The following PAFAH2 variants were observed in gnomAD, a reference collection of about 807,000 sequenced individuals.
PAFAH2 encodes platelet activating factor acetylhydrolase 2.
In PAFAH2, 42 loss-of-function variants were observed where a neutral mutation model predicts 49.0. The ratio of observed to expected loss-of-function variants is 0.86; its 90% CI spans 0.67 to 1.11. The LOEUF (loss-of-function observed/expected upper bound fraction) is 1.11, where lower values mean the gene tolerates loss of function less well. PAFAH2 is among the 50% of genes least tolerant of loss of function. PAFAH2 has a pLI of 0.00. For synonymous variants in PAFAH2, 184 were observed against 181.3 expected, an observed-to-expected ratio of 1.01 and a Z score of -0.12; for missense variants, 503 against 501.8, an observed-to-expected ratio of 1.00 and a Z score of -0.02.
intron 1 of PAFAH2, among the ~76,000 whole-genome samples, chr1:25,996,395 G>A (rs576664378): frequency 1.1e-4 from 16 of 151,880 alleles, no homozygotes; most frequent in South Asian, 2.1e-4. Flanking sequence ...GGCCGGGCGC[G>A]GTGGGAGGCC....
intron 1 of PAFAH2, among the ~76,000 whole-genome samples, chr1:25,994,146 T>C (rs2049909024): frequency 6.6e-6 from 1 of 150,674 alleles, no homozygotes; most frequent in African/African-American, 2.4e-5. Flanking sequence ...GCCTAGCTTT[T>C]TTTTTTTTTT....
At chr1:25,977,388 C>T (rs2049610748) in intron 7 of PAFAH2, among the ~76,000 whole-genome samples, 1 of 151,216 alleles carries the variant, frequency 6.6e-6, no homozygotes, top group African/African-American at 2.4e-5. Context: ...TGGTGGCTCA[C>T]ACCTGTAATC....
chr1:25,988,171 G>T (rs774240535), intron 4 of PAFAH2, 60 bp downstream of exon 4: 13 of 1,070,386 alleles, frequency 1.2e-5, no homozygotes, highest in Non-Finnish European at 1.8e-5. Context: ...AATAAGCTAA[G>T]ACTCAGCAGC....
intron 9 of PAFAH2, 148 bp downstream of exon 9, chr1:25,974,332 T>G: frequency 5.5e-6 from 3 of 542,018 alleles, no homozygotes; most frequent in Admixed American, 3.8e-5. Flanking sequence ...AGACAGAAAA[T>G]TCTAAAAGAA....
At chr1:25,977,014 C>CTTTTTTT (rs201548055) in intron 7 of PAFAH2, among the ~76,000 whole-genome samples, 1 of 88,366 alleles carries the variant, frequency 1.1e-5, no homozygotes, top group African/African-American at 4.2e-5. Flanking sequence ...TTCATGTTTA[C>CTTTTTTT]TTTTTTTTTT....
At chr1:25,972,820 T>G in intron 9 of PAFAH2, 108 bp from the exon 10 acceptor site, 1 of 1,086,200 alleles carries the variant, frequency 9.2e-7, no homozygotes, top group Non-Finnish European at 1.4e-6. Context: ...TCACACTTTA[T>G]TTTCACAGCA....
intron 6 of PAFAH2, 66 bp from the exon 7 acceptor site, chr1:25,982,543 C>A: frequency 8.2e-7 from 1 of 1,226,798 alleles, no homozygotes. Context: ...ATCTCCCTCA[C>A]GTACAGAGCC....
intron 10 of PAFAH2, among the ~76,000 whole-genome samples, chr1:25,967,031 CAAAA>C (rs34853555): frequency 1.4e-4 from 12 of 84,206 alleles, no homozygotes; most frequent in Admixed American, 1.4e-4. Flanking sequence ...GACGCCTTCT[CAAAA>C]AAAAAAAAAA....
intron 8 of PAFAH2, 97 bp from the exon 9 acceptor site, chr1:25,974,747 G>A: frequency 8.3e-7 from 1 of 1,205,254 alleles, no homozygotes; most frequent in Non-Finnish European, 1.2e-6. Flanking sequence ...CTCTGGTGGG[G>A]TAAAGGCTCA....
rs1224773336 is a variant in PAFAH2, at chr1:25,960,557, A to G, written c.*1432T>C. On this transcript the variant is annotated 3_prime_UTR_variant, in exon 11 of 11. Coordinates refer to ENST00000374282, the MANE Select transcript of PAFAH2 (RefSeq NM_000437.4). Reference sequence around the variant, plus strand: ...AGATTAAACAGAAAATTCCAACATAACATTAAGCAAACAAGAGTATTAATA... The same window carrying G: ...AGATTAAACAGAAAATTCCAACATAGCATTAAGCAAACAAGAGTATTAATA... 6.6e-6 allele frequency: 1 copy of G among 152,654 alleles called. No homozygotes were observed. The highest frequency in any genetic ancestry group is 1.5e-5 in the Non-Finnish European group (1 of 68,046). 9.5% of individuals were successfully genotyped at this position (152,654 alleles called of 1,614,324 possible).
chr1:25,978,661 C>T (rs1005018954), intron 7 of PAFAH2, among the ~76,000 whole-genome samples: 1 of 152,212 alleles, frequency 6.6e-6, no homozygotes, highest in Non-Finnish European at 1.5e-5. Context: ...TCTCTATGCC[C>T]TTTCCCATTC....
intron 5 of PAFAH2, 34 bp downstream of exon 5, chr1:25,984,426 G>A: frequency 6.4e-7 from 1 of 1,552,778 alleles, no homozygotes; most frequent in South Asian, 1.1e-5. Context: ...CTAGCTCACT[G>A]CAGGCACCCA....
chr1:25,991,718 C>A (rs1220211847), intron 1 of PAFAH2, among the ~76,000 whole-genome samples: 4 of 151,664 alleles, frequency 2.6e-5, no homozygotes, highest in Non-Finnish European at 5.9e-5. Context: ...CATGGCGAAA[C>A]CCCGTCTCTA....
chr1:25,983,976 C>T lies in PAFAH2; in HGVS notation c.522G>A (p.Gly174=). The change falls in exon 6 of 11, where the codon GGG becomes GGA. Residue 174 remains glycine (G), a synonymous_variant. Transcript: ENST00000374282. ...EWIPFRRVEE[G]EKEFHVRNPQ... ...GATTCCGAACATGAAATTCCTTCTC[C>T]CCTTCCTCAACTCGACGGAAAGGGA... The T allele has an allele frequency of 5.6e-6, 9 of 1,614,172 alleles. No homozygotes were observed. The highest frequency in any genetic ancestry group is 7.6e-6 in the Non-Finnish European group (9 of 1,180,030).
At chr1:25,983,048 A>G (rs1424773265) in intron 6 of PAFAH2, among the ~76,000 whole-genome samples, 1 of 152,124 alleles carries the variant, frequency 6.6e-6, no homozygotes, top group Non-Finnish European at 1.5e-5. Context: ...ACACAGTCCT[A>G]TTCTCATAGG....
chr1:25,991,069 G>A, intron 1 of PAFAH2: 2 of 458,210 alleles, frequency 4.4e-6, no homozygotes, highest in South Asian at 5.4e-5. Context: ...GTGAGGAGAT[G>A]GCTGGAAGAC....
At chr1:25,976,858 G>A (rs1186355238) in intron 7 of PAFAH2, 85 bp from the exon 8 acceptor site, 32 of 996,824 alleles carry the variant, frequency 3.2e-5, no homozygotes, top group Non-Finnish European at 4.8e-5. Context: ...AAGAAATAGT[G>A]AGGCAATGAG....
At chr1:25,971,723 A>G (rs2049512142) in intron 10 of PAFAH2, among the ~76,000 whole-genome samples, 1 of 152,134 alleles carries the variant, frequency 6.6e-6, no homozygotes, top group Non-Finnish European at 1.5e-5. Flanking sequence ...GTGAACCTCT[A>G]GTCTTTGTAA....
At position 25,980,971 on chromosome 1, in the gene PAFAH2, G is replaced by C. The variant is rs562765387; in HGVS notation, c.666+1393C>G. 1.4e-4 allele frequency among the ~76,000 whole-genome samples: 22 copies of C among 152,158 alleles called. No homozygotes were observed. In the South Asian group the frequency reaches 4.6e-3, roughly 32 times the overall value. ...TCACTGTACCTCAGCCTGGGTGACAGAGTGAGGCCCTGTCTCAAAAAAATA... is the reference window on the plus strand; with the variant it reads ...TCACTGTACCTCAGCCTGGGTGACACAGTGAGGCCCTGTCTCAAAAAAATA... On this transcript the variant is annotated intron_variant, in intron 7 of 10. Transcript: ENST00000374282.
Sources: gnomAD v4.1 joint callset for allele counts (sites outside exome capture counted in the v4.1 genomes callset) on GRCh38, gnomAD v4.1.1 for gene constraint, MANE v1.5 for transcripts, NCBI Gene and HGNC (gene_info 2026-07-23, HGNC 2026-07-21) for gene names.